Variants in ABCA13 observed in about 807,000 individuals in gnomAD.
ABCA13 encodes the protein ATP binding cassette subfamily A member 13.
A neutral mutation model predicts 478.7 loss-of-function variants in ABCA13; 476 were observed. The observed-to-expected ratio is 0.99, with a 90% confidence interval of 0.92 to 1.07. The LOEUF (loss-of-function observed/expected upper bound fraction) is 1.07, where lower values mean the gene tolerates loss of function less well. ABCA13 is among the 50% of genes least tolerant of loss of function. ABCA13 has a pLI of 0.00. For synonymous variants in ABCA13, 2,252 were observed against 2,158.9 expected, an observed-to-expected ratio of 1.04 and a Z score of -1.20; for missense variants, 6,060 against 5,910.6, an observed-to-expected ratio of 1.03 and a Z score of -0.83.
At chr7:48,421,206 T>A (rs991246629) in intron 41 of ABCA13, among the ~76,000 whole-genome samples, 1 of 152,198 alleles carries the variant, frequency 6.6e-6, no homozygotes, top group African/African-American at 2.4e-5. Flanking sequence ...TCTCTCTTTT[T>A]TTTTTTGAGG....
intron 20 of ABCA13, among the ~76,000 whole-genome samples, chr7:48,293,205 C>CCCA (rs1554419833): frequency 7.4e-6 from 1 of 134,880 alleles, no homozygotes; most frequent in Admixed American, 7.4e-5. Flanking sequence ...CCCCCCCCGC[C>CCCA]ACACACACAC....
intron 3 of ABCA13, among the ~76,000 whole-genome samples, chr7:48,201,838 T>C (rs1798772162): frequency 6.6e-6 from 1 of 152,220 alleles, no homozygotes; most frequent in African/African-American, 2.4e-5. Context: ...TCATGGTAAG[T>C]GTTACAGCTC....
At chr7:48,631,007 T>C (rs1794118974) in intron 59 of ABCA13, among the ~76,000 whole-genome samples, 2 of 152,050 alleles carry the variant, frequency 1.3e-5, no homozygotes, top group African/African-American at 4.8e-5. Flanking sequence ...AATGGGGTTA[T>C]TTGTTTTTTG....
Position 48,372,973 on chromosome 7 carries a change from A to G in ABCA13, c.11133+476A>G, listed in dbSNP as rs563070981. The stretch of plus-strand genomic sequence containing the variant: ...GTATGATAACACTTTCAGGTCTGTA[A>G]CATCAAATACGTAGAACATAAAAAA... On this transcript the variant is annotated intron_variant, in intron 33 of 61. Transcript: ENST00000435803. Among the ~76,000 whole-genome samples the G allele has an allele frequency of 4.5e-4, 68 of 152,322 alleles. 1 individual carries two copies. The South Asian group carries it at 0.011, about 26-fold the overall frequency.
chr7:48,535,221 C>A (rs1185339246), intron 55 of ABCA13, among the ~76,000 whole-genome samples: 2 of 152,164 alleles, frequency 1.3e-5, no homozygotes, highest in Admixed American at 6.5e-5. Flanking sequence ...TGGTGCTCTT[C>A]CCCTTGCCCT....
At chr7:48,445,675 C>T (rs891468151) in intron 42 of ABCA13, among the ~76,000 whole-genome samples, 1 of 152,178 alleles carries the variant, frequency 6.6e-6, no homozygotes, top group Non-Finnish European at 1.5e-5. Context: ...TCATGCTCCC[C>T]TCTTATGCTT....
chr7:48,309,027 A>T (rs555707486), intron 23 of ABCA13, among the ~76,000 whole-genome samples: 1 of 103,764 alleles, frequency 9.6e-6, no homozygotes, highest in East Asian at 3.4e-4. Flanking sequence ...TATGAGACAC[A>T]TGACTGCACA....
intron 26 of ABCA13, 146 bp from the exon 27 acceptor site, chr7:48,317,011 A>G: frequency 2.1e-6 from 2 of 933,230 alleles, no homozygotes; most frequent in Non-Finnish European, 3.1e-6. Flanking sequence ...TATTCAAACT[A>G]TAGCACTCCC....
chr7:48,278,921 TA>T lies in ABCA13; in HGVS notation c.7735del (p.Ile2579Ter), dbSNP rs748932832. 5.0e-6 allele frequency: 8 copies of T among 1,612,772 alleles called. No individual in the cohort carries two copies. The highest frequency in any genetic ancestry group is 4.5e-5 in the East Asian group (2 of 44,872). On this transcript the variant is annotated frameshift_variant, in exon 18 of 62. Coordinates refer to ENST00000435803, the MANE Select transcript of ABCA13 (RefSeq NM_152701.5). LOFTEE classifies it high-confidence loss of function. ...VQNLVKEIAT[L>X]KKIDHFTFEK... ...AATCTTGTGAAAGAAATAGCTACTTTAAAAAAAATAGATCATTTCACATTTG... is the reference window on the plus strand; with the variant it reads ...AATCTTGTGAAAGAAATAGCTACTTTAAAAAAATAGATCATTTCACATTTG...
Position 48,314,367 on chromosome 7 carries a change from T to G in ABCA13, c.9817T>G (p.Leu3273Val). The change falls in exon 26 of 62, where the codon TTG (leucine) becomes GTG (valine). Residue 3273 changes from leucine to valine, a missense_variant. Coordinates refer to ENST00000435803, the MANE Select transcript of ABCA13 (RefSeq NM_152701.5). ...TAATTTGCCCAGAGTTAAGGAACTC[T>G]TGGAAGATGACAAAGAAAAATTCAA... ...FINLPRVKEL[L>V]EDDKEKFNIP... 6.2e-7 allele frequency: 1 copy of G among 1,606,906 alleles called. No individual in the cohort carries two copies. The highest frequency in any genetic ancestry group is 1.1e-5 in the South Asian group (1 of 89,836).
At chr7:48,394,071 A>G (rs1816472648) in intron 38 of ABCA13, among the ~76,000 whole-genome samples, 1 of 152,160 alleles carries the variant, frequency 6.6e-6, no homozygotes, top group Admixed American at 6.5e-5. Flanking sequence ...AGTACTCCAC[A>G]TGGAGTGCTC....
At chr7:48,550,737 A>G (rs1024369645) in intron 55 of ABCA13, among the ~76,000 whole-genome samples, 2 of 151,006 alleles carry the variant, frequency 1.3e-5, no homozygotes, top group African/African-American at 2.4e-5. Context: ...TAATCTATCC[A>G]TCCGTCTGTC....
intron 60 of ABCA13, 131 bp from the exon 61 acceptor site, chr7:48,644,486 G>T: frequency 1.0e-6 from 1 of 973,616 alleles, no homozygotes. Context: ...GCATTCATTG[G>T]AGACTCACAA....
At chr7:48,542,023 A>G (rs972016918) in intron 55 of ABCA13, among the ~76,000 whole-genome samples, 1 of 151,644 alleles carries the variant, frequency 6.6e-6, no homozygotes, top group Non-Finnish European at 1.5e-5. Context: ...ATATAATTCA[A>G]GTAAAGGTAC....
chr7:48,172,250 G>T (rs1344910414), intron 1 of ABCA13, among the ~76,000 whole-genome samples: 1 of 152,186 alleles, frequency 6.6e-6, no homozygotes, highest in Non-Finnish European at 1.5e-5. Flanking sequence ...ATTTTCAGGA[G>T]AAGTAGATGT....
intron 23 of ABCA13, among the ~76,000 whole-genome samples, chr7:48,298,918 G>C (rs1270230417): frequency 1.3e-5 from 2 of 152,182 alleles, no homozygotes; most frequent in African/African-American, 4.8e-5. Flanking sequence ...ACTGGGCACA[G>C]TCTGACTATG....
chr7:48,198,608 G>C (rs1798257203), intron 3 of ABCA13, among the ~76,000 whole-genome samples: 1 of 152,208 alleles, frequency 6.6e-6, no homozygotes, highest in African/African-American at 2.4e-5. Flanking sequence ...AATGCCATTT[G>C]CATGTAATAA....
At chr7:48,342,060 G>A (rs1232091751) in intron 29 of ABCA13, among the ~76,000 whole-genome samples, 1 of 150,914 alleles carries the variant, frequency 6.6e-6, no homozygotes, top group Non-Finnish European at 1.5e-5. Context: ...TAAACATGTG[G>A]TGTAATTTCC....
intron 42 of ABCA13, among the ~76,000 whole-genome samples, chr7:48,450,435 AG>A (rs1165286203): frequency 2.0e-5 from 3 of 152,262 alleles, no homozygotes; most frequent in African/African-American, 7.2e-5. Flanking sequence ...TAAATTTTTA[AG>A]TAGGTTAAAA....
Sources: allele counts gnomAD v4.1 joint callset (sites outside exome capture counted in the v4.1 genomes callset), GRCh38; gene constraint gnomAD v4.1.1; transcripts MANE v1.5; gene names NCBI Gene and HGNC (gene_info 2026-07-23, HGNC 2026-07-21).